Variants in EBF3 observed in about 807,000 individuals in gnomAD.
EBF3 encodes EBF transcription factor 3, also known as transcription factor COE3.
EBF3 carries 18 observed loss-of-function variants against 77.1 expected under a neutral mutation model. The ratio of observed to expected loss-of-function variants is 0.23; its 90% CI spans 0.16 to 0.35. The LOEUF is 0.35. Ranked by LOEUF, EBF3 falls within the 10% of genes least tolerant of loss-of-function variation. EBF3 has a pLI of 1.00. For synonymous variants in EBF3, 350 were observed against 343.5 expected (o/e 1.02, Z -0.21); for missense variants, 558 against 860.0 (o/e 0.65, Z 4.39).
chr10:129,945,383 C>G (rs1281429241), intron 6 of EBF3, among the ~76,000 whole-genome samples: 1 of 152,158 alleles, frequency 6.6e-6, no homozygotes, highest in Non-Finnish European at 1.5e-5. Context: ...TCCTATGGAT[C>G]ATTCAGGCCC....
rs71481019 is a variant in EBF3, at chr10:129,917,651, C to CAAAAAAAAAAAAAAAAAAAAAAAAAAA, written c.554+39580_554+39606dup. ...TGGGCACCACAGCAAGACCCTGCCT[C>CAAAAAAAAAAAAAAAAAAAAAAAAAAA]AAAAAAAAAAAAAAAAAAAAAAAAA... On this transcript the variant is annotated intron_variant, in intron 6 of 16. Coordinates refer to ENST00000440978, the MANE Select transcript of EBF3 (RefSeq NM_001375380.1). Among the ~76,000 whole-genome samples the CAAAAAAAAAAAAAAAAAAAAAAAAAAA allele has an allele frequency of 1.7e-3, 39 of 23,594 alleles. 8 individuals are homozygous for CAAAAAAAAAAAAAAAAAAAAAAAAAAA. The highest frequency in any genetic ancestry group is 2.2e-3 in the African/African-American group (12 of 5,334). 15.5% of individuals were successfully genotyped at this position (23,594 alleles called of 152,430 possible).
chr10:129,839,071 A>C lies in EBF3; in HGVS notation c.1872+12T>G. The C allele has an allele frequency of 7.7e-7, 1 of 1,304,478 alleles. No individual in the cohort carries two copies. The highest frequency in any genetic ancestry group is 1.2e-5 in the South Asian group (1 of 81,036). The allele number at this position is 1,304,478 out of a possible 1,614,324, so 80.8% of individuals were successfully genotyped here. A position where few individuals can be genotyped will look rare whatever the true frequency, so the allele number is the denominator to read the frequency against. On this transcript the variant is annotated intron_variant, in intron 16 of 16. Transcript: ENST00000440978. ...GGATGTTGTGAAGACAATGATTTCAAATCACTGATACCTTTCCAGTTCCTT... is the reference window on the plus strand; with the variant it reads ...GGATGTTGTGAAGACAATGATTTCACATCACTGATACCTTTCCAGTTCCTT...
Position 129,858,682 on chromosome 10 carries a change from G to A in EBF3, c.1039+8459C>T, listed in dbSNP as rs533395546. 9.2e-5 allele frequency among the ~76,000 whole-genome samples: 14 copies of A among 152,208 alleles called. No individual in the cohort carries two copies. In the East Asian group the frequency reaches 2.1e-3, roughly 23 times the overall value. ...AGGTAAAAAGATGGAGAAAAACCTC[G>A]CAGAATCCACCCTCCCTAATCCGAC... On this transcript the variant is annotated intron_variant, in intron 10 of 16. Coordinates refer to ENST00000440978, the MANE Select transcript of EBF3 (RefSeq NM_001375380.1).
intron 6 of EBF3, among the ~76,000 whole-genome samples, chr10:129,925,911 C>G (rs1451385678): frequency 2.6e-5 from 4 of 152,138 alleles, no homozygotes; most frequent in South Asian, 4.1e-4. Flanking sequence ...GGAAAGCAGC[C>G]TGTGCCTCAC....
rs374195285 is a variant in EBF3, at chr10:129,936,305, A to T, written c.554+20953T>A. Among the ~76,000 whole-genome samples, 93 of 151,578 alleles carry T rather than the reference A, an allele frequency of 6.1e-4. 2 individuals are homozygous for T. The East Asian group carries it at 0.016, about 26-fold the overall frequency. ...GGACATAACCCCTGCCCAGCCCACC[A>T]CCCCCTCCTGTCTCTGGCTCAGAGT... On this transcript the variant is annotated intron_variant, in intron 6 of 16. Transcript: ENST00000440978.
At chr10:129,852,483 G>A (rs1312548060) in intron 10 of EBF3, among the ~76,000 whole-genome samples, 4 of 152,196 alleles carry the variant, frequency 2.6e-5, no homozygotes, top group Non-Finnish European at 5.9e-5. Context: ...CCGGCGGGCA[G>A]GAGGCACTGG....
intron 10 of EBF3, among the ~76,000 whole-genome samples, chr10:129,866,343 ACTC>A (rs1394901698): frequency 6.6e-6 from 1 of 151,888 alleles, no homozygotes; most frequent in African/African-American, 2.4e-5. Context: ...CTGGTCTTGA[ACTC>A]CTGCACTCAA....
rs965541683 is a variant in EBF3, at chr10:129,935,598, G to C, written c.554+21660C>G. Among the ~76,000 whole-genome samples the C allele has an allele frequency of 4.6e-5, 7 of 152,200 alleles. No homozygotes were observed. The highest frequency in any genetic ancestry group is 1.7e-4 in the African/African-American group (7 of 41,458). On this transcript the variant is annotated intron_variant, in intron 6 of 16. Transcript: ENST00000440978. This position sits in a 1 kb window ranked among gnomAD's most constrained non-coding sequence, Gnocchi z 4.2. ...TACATGCACCCCACAAGGCTGGCGGGCAGCAGGCGGTGCCTCCTGATCAGG... is the reference window on the plus strand; with the variant it reads ...TACATGCACCCCACAAGGCTGGCGGCCAGCAGGCGGTGCCTCCTGATCAGG...
chr10:129,884,835 G>A (rs978858106), intron 6 of EBF3, among the ~76,000 whole-genome samples: 1 of 152,124 alleles, frequency 6.6e-6, no homozygotes, highest in Non-Finnish European at 1.5e-5. Context: ...CCTTTGTCTG[G>A]GGATTCTGGC....
intron 10 of EBF3, among the ~76,000 whole-genome samples, chr10:129,860,192 G>A (rs995950128): frequency 1.3e-5 from 2 of 151,910 alleles, no homozygotes; most frequent in South Asian, 2.1e-4. Context: ...TCAGAAGCAC[G>A]TCCTACTCAA....
chr10:129,840,699 G>A (rs561609759), intron 14 of EBF3, 145 bp downstream of exon 14: 21 of 1,237,664 alleles, frequency 1.7e-5, no homozygotes, highest in African/African-American at 6.0e-5. Context: ...GTCAATTTAC[G>A]GTCGCCATTT....
chr10:129,923,839 A>C (rs1056099795), intron 6 of EBF3, among the ~76,000 whole-genome samples: 1 of 152,250 alleles, frequency 6.6e-6, no homozygotes, highest in Non-Finnish European at 1.5e-5. Context: ...GATTCCATCA[A>C]CCAAGTGAAA....
Position 129,842,969 on chromosome 10 carries a change from T to C in EBF3, c.1194+168A>G, listed in dbSNP as rs1432456997. Among the ~76,000 whole-genome samples, 1 of 152,022 alleles carries C rather than the reference T, an allele frequency of 6.6e-6. No homozygotes were observed. The highest frequency in any genetic ancestry group is 1.9e-4 in the East Asian group (1 of 5,162). ...CTGACACCAACTCATCATTTCTACGTGAACCTAGCGTGAGGGCAAGGATGG... is the reference window on the plus strand; with the variant it reads ...CTGACACCAACTCATCATTTCTACGCGAACCTAGCGTGAGGGCAAGGATGG... On this transcript the variant is annotated intron_variant, in intron 12 of 16. Transcript: ENST00000440978. The surrounding 1 kb of genome is among the most constrained non-coding windows in gnomAD (Gnocchi z 4.4).
Position 129,867,759 on chromosome 10 carries a change from G to T in EBF3, c.912+23C>A, listed in dbSNP as rs761825433. On this transcript the variant is annotated intron_variant, in intron 9 of 16. Transcript: ENST00000440978. ...TTCATGAAGACAGCAACAGCGCGAAGCTGACCGAGTCCGCGGGCTTACCTC... is the reference window on the plus strand; with the variant it reads ...TTCATGAAGACAGCAACAGCGCGAATCTGACCGAGTCCGCGGGCTTACCTC... 9 of 1,605,122 alleles carry T rather than the reference G, an allele frequency of 5.6e-6. No individual in the cohort carries two copies. In the African/African-American group the frequency reaches 1.1e-4, roughly 20 times the overall value.
chr10:129,869,557 C>A (rs922789406), intron 8 of EBF3, among the ~76,000 whole-genome samples: 1 of 152,166 alleles, frequency 6.6e-6, no homozygotes, highest in African/African-American at 2.4e-5. Flanking sequence ...TGGGTCAGAT[C>A]CGGTTGCACA....
intron 10 of EBF3, among the ~76,000 whole-genome samples, chr10:129,866,182 C>T (rs367707225): frequency 6.6e-6 from 1 of 152,212 alleles, no homozygotes; most frequent in Non-Finnish European, 1.5e-5. Flanking sequence ...AGTCCAGTAG[C>T]TCAATCAAGG....
At chr10:129,896,310 C>T (rs1212755291) in intron 6 of EBF3, among the ~76,000 whole-genome samples, 1 of 152,220 alleles carries the variant, frequency 6.6e-6, no homozygotes, top group Non-Finnish European at 1.5e-5. Context: ...AAAAACAAGC[C>T]CGAGCTCAGC....
chr10:129,910,072 G>A (rs930712394), intron 6 of EBF3, among the ~76,000 whole-genome samples: 60 of 152,332 alleles, frequency 3.9e-4, no homozygotes, highest in Admixed American at 3.9e-4. Context: ...GCAGGCAGGC[G>A]TGGAGGCCGT....
At chr10:129,904,959 A>T (rs1222294306) in intron 6 of EBF3, among the ~76,000 whole-genome samples, 2 of 152,256 alleles carry the variant, frequency 1.3e-5, no homozygotes, top group Non-Finnish European at 2.9e-5. Flanking sequence ...TCTGAAGCAA[A>T]GTCAAATTTG....
Sources: allele counts gnomAD v4.1 joint callset (sites outside exome capture counted in the v4.1 genomes callset), GRCh38; gene constraint gnomAD v4.1.1; non-coding constraint Gnocchi (gnomAD v3.1); transcripts MANE v1.5; gene names NCBI Gene and HGNC (gene_info 2026-07-23, HGNC 2026-07-21).